RANBP2: variants seen among roughly 807,000 people sequenced by gnomAD.
RANBP2 encodes RAN binding protein 2.
Under a neutral mutation model 303.6 loss-of-function variants are expected in RANBP2, and 57 were observed. That is an observed-to-expected ratio of 0.19 (90% CI 0.15 to 0.23). RANBP2 has a LOEUF of 0.23. Among genes scored for constraint, RANBP2 ranks in the 10% least tolerant of loss-of-function variants. The probability of loss-of-function intolerance (pLI) is 1.00; values close to 1 mark genes in which losing one functional copy is unlikely to be tolerated. For synonymous variants in RANBP2, 1,167 were observed against 1,301.5 expected (o/e 0.90, Z 2.23); for missense variants, 3,138 against 3,780.8 (o/e 0.83, Z 4.46).
the RANBP2 span, among the ~76,000 whole-genome samples, chr2:108,930,429 C>T: frequency 2.0e-5 from 3 of 152,052 alleles, no homozygotes; most frequent in Non-Finnish European, 4.4e-5. Flanking sequence ...CCTGGTTGAT[C>T]ACCTGGGCAC....
At chr2:109,057,666 T>C in the RANBP2 span, among the ~76,000 whole-genome samples, 2 of 152,202 alleles carry the variant, frequency 1.3e-5, no homozygotes, top group East Asian at 3.9e-4. Flanking sequence ...CGATTAGCTG[T>C]GTTCTGTTTC....
the RANBP2 span, among the ~76,000 whole-genome samples, chr2:109,046,129 C>T: frequency 6.6e-6 from 1 of 151,464 alleles, no homozygotes; most frequent in Non-Finnish European, 1.5e-5. Flanking sequence ...AGGGTGAAAC[C>T]CCGTCTCTAC....
At chr2:109,087,583 G>C in the RANBP2 span, among the ~76,000 whole-genome samples, 3 of 152,208 alleles carry the variant, frequency 2.0e-5, no homozygotes, top group Admixed American at 6.5e-5. Flanking sequence ...GAGTCAGACA[G>C]TTTTGGGTTC....
At chr2:108,822,451 A>G in the RANBP2 span, among the ~76,000 whole-genome samples, 5 of 152,202 alleles carry the variant, frequency 3.3e-5, no homozygotes, top group Admixed American at 2.6e-4. Context: ...AATTAACTCG[A>G]TCTGTCAGAC....
chr2:108,746,050 G>T (rs1696486166), intron 7 of RANBP2, among the ~76,000 whole-genome samples: 1 of 151,840 alleles, frequency 6.6e-6, no homozygotes, highest in Non-Finnish European at 1.5e-5. Context: ...GGGACCACAG[G>T]TGTGGGCCAC....
At chr2:109,081,015 C>T in the RANBP2 span, among the ~76,000 whole-genome samples, 1 of 152,208 alleles carries the variant, frequency 6.6e-6, no homozygotes, top group South Asian at 2.1e-4. Context: ...ATGCTAGCTA[C>T]CAGCCATGCA....
the RANBP2 span, among the ~76,000 whole-genome samples, chr2:109,269,120 TGA>T: frequency 2.0e-5 from 3 of 152,194 alleles, no homozygotes; most frequent in Non-Finnish European, 4.4e-5. Context: ...GATTTTGTGC[TGA>T]GTGGCATTGG....
At chr2:108,965,672 G>A in the RANBP2 span, among the ~76,000 whole-genome samples, 2,434 of 152,168 alleles carry the variant, frequency 0.016, 65 homozygotes, top group African/African-American at 0.057. Flanking sequence ...GACTGCTGCA[G>A]TGGGAGAGCT....
chr2:109,602,991 A>T, the RANBP2 span, among the ~76,000 whole-genome samples: 1 of 151,600 alleles, frequency 6.6e-6, no homozygotes, highest in Non-Finnish European at 1.5e-5. Flanking sequence ...GGATCATCTG[A>T]GCCTGGGAGG....
the RANBP2 span, among the ~76,000 whole-genome samples, chr2:109,255,470 C>T: frequency 5.1e-4 from 77 of 152,254 alleles, 1 homozygote; most frequent in East Asian, 9.6e-3. Flanking sequence ...GACTGGGGTT[C>T]GTATTAGTCA....
the RANBP2 span, among the ~76,000 whole-genome samples, chr2:109,589,873 T>C: frequency 2.0e-5 from 3 of 152,032 alleles, no homozygotes; most frequent in Admixed American, 1.3e-4. Flanking sequence ...AAGTGGTGAA[T>C]AGATAAACAA....
chr2:108,868,949 A>G, the RANBP2 span, among the ~76,000 whole-genome samples: 1 of 152,054 alleles, frequency 6.6e-6, no homozygotes, highest in South Asian at 2.1e-4. Context: ...TATAAGTTGG[A>G]TTTTCTCTAC....
the RANBP2 span, among the ~76,000 whole-genome samples, chr2:109,285,251 AG>A: frequency 6.6e-6 from 1 of 152,230 alleles, no homozygotes; most frequent in Admixed American, 6.5e-5. Flanking sequence ...AGATCCACTC[AG>A]TGTGAAGGGC....
chr2:109,423,995 G>A, the RANBP2 span, among the ~76,000 whole-genome samples: 3 of 152,244 alleles, frequency 2.0e-5, no homozygotes, highest in Admixed American at 6.5e-5. Context: ...GGTCGGAGAC[G>A]TCTGGGCCGC....
the RANBP2 span, among the ~76,000 whole-genome samples, chr2:109,566,296 T>G: frequency 6.6e-6 from 1 of 151,954 alleles, no homozygotes; most frequent in Non-Finnish European, 1.5e-5. Context: ...AATTTTTGCA[T>G]TTTTAGTAGA....
At chr2:108,934,001 A>G in the RANBP2 span, among the ~76,000 whole-genome samples, 2 of 152,204 alleles carry the variant, frequency 1.3e-5, no homozygotes, top group Non-Finnish European at 2.9e-5. Context: ...AATGGTTTCT[A>G]ATTTAATTGA....
At chr2:108,960,766 G>T in the RANBP2 span, among the ~76,000 whole-genome samples, 16 of 152,120 alleles carry the variant, frequency 1.1e-4, no homozygotes, top group Non-Finnish European at 2.4e-4. Flanking sequence ...TAGATATATA[G>T]ATATATCATA....
chr2:109,468,593 C>T, the RANBP2 span, among the ~76,000 whole-genome samples: 1 of 152,094 alleles, frequency 6.6e-6, no homozygotes, highest in Admixed American at 6.5e-5. Flanking sequence ...GTAGCTCACG[C>T]CTGTAATCCC....
the RANBP2 span, among the ~76,000 whole-genome samples, chr2:109,305,789 T>G: frequency 8.5e-5 from 13 of 152,222 alleles, no homozygotes; most frequent in African/African-American, 3.1e-4. Context: ...CAAAACTTGC[T>G]GGAGGTGGTC....
Sources: allele counts gnomAD v4.1 joint callset (sites outside exome capture counted in the v4.1 genomes callset), GRCh38; gene constraint gnomAD v4.1.1; transcripts MANE v1.5; gene names NCBI Gene and HGNC (gene_info 2026-07-23, HGNC 2026-07-21).